MDH1: variants seen among roughly 807,000 people sequenced by gnomAD.
MDH1 encodes the protein malate dehydrogenase, cytoplasmic.
MDH1 carries 15 observed loss-of-function variants against 38.7 expected under a neutral mutation model. The ratio of observed to expected loss-of-function variants is 0.39; its 90% CI spans 0.26 to 0.60. The LOEUF (loss-of-function observed/expected upper bound fraction) is 0.60, where lower values mean the gene tolerates loss of function less well. MDH1 is among the 20% of genes least tolerant of loss of function. MDH1 has a pLI of 0.56. For synonymous variants in MDH1, 144 were observed against 143.6 expected (o/e 1.00, Z -0.02); for missense variants, 368 against 405.2 (o/e 0.91, Z 0.79).
At chr2:63,606,508 T>G (rs1156893247) in intron 8 of MDH1, among the ~76,000 whole-genome samples, 1 of 152,232 alleles carries the variant, frequency 6.6e-6, no homozygotes, top group Non-Finnish European at 1.5e-5. Flanking sequence ...GAAATTAATC[T>G]GGAAAGGAAG....
At chr2:63,594,751 T>C in intron 2 of MDH1, 165 bp downstream of exon 2, 1 of 564,324 alleles carries the variant, frequency 1.8e-6, no homozygotes, top group Non-Finnish European at 3.1e-6. Context: ...TATTTATATG[T>C]ACGCCTCCAG....
intron 5 of MDH1, chr2:63,599,503 C>A: frequency 2.7e-6 from 1 of 376,646 alleles, no homozygotes; most frequent in South Asian, 3.9e-5. Flanking sequence ...GGACTTCCTA[C>A]TTGATTTCGT....
intron 3 of MDH1, 118 bp from the exon 4 acceptor site, chr2:63,597,281 G>C (rs1355676060): frequency 8.0e-7 from 1 of 1,251,088 alleles, no homozygotes; most frequent in East Asian, 3.0e-5. Context: ...ATGTATATCA[G>C]TGTGATATGT....
intron 3 of MDH1, 68 bp downstream of exon 3, chr2:63,595,587 T>C (rs1709295406): frequency 2.1e-6 from 2 of 955,602 alleles, no homozygotes; most frequent in South Asian, 2.8e-5. Flanking sequence ...TTTTAGGTTT[T>C]TGTTAAAGGC....
rs779305894 is a variant in MDH1, at chr2:63,597,421, A to C, written c.222A>C (p.Glu74Asp). 24 of 1,445,886 alleles carry C rather than the reference A, an allele frequency of 1.7e-5. No homozygotes were observed. Among genetic ancestry groups the C allele is most frequent in the Non-Finnish European group, 2.1e-5 (23 of 1,088,490 alleles). The allele number at this position is 1,445,886 out of a possible 1,614,324, so 89.6% of individuals were successfully genotyped here. Reference protein sequence around the residue: ...LLKDVIATDKEDVAFKDLDVA... With the variant: ...LLKDVIATDKDDVAFKDLDVA... Reference sequence around the variant, plus strand: ...CAGATGTCATCGCAACAGATAAAGAAGACGTTGCCTTCAAAGACCTGGATG... The same window carrying C: ...CAGATGTCATCGCAACAGATAAAGACGACGTTGCCTTCAAAGACCTGGATG... The change falls in exon 4 of 9, where the codon GAA becomes GAC. Residue 74 changes from glutamate (E) to aspartate (D), a missense_variant. Glu to Asp is a conservative substitution (Grantham distance 45). Coordinates refer to ENST00000233114, the MANE Select transcript of MDH1 (RefSeq NM_005917.4).
Position 63,607,074 on chromosome 2 carries a change from C to G in MDH1, c.*87C>G. ...AGTACCAAATAATAATAATGCTATA[C>G]TTAAATTACTTGTGAAAAACAACAC... On this transcript the variant is annotated 3_prime_UTR_variant, in exon 9 of 9. Coordinates refer to ENST00000233114, the MANE Select transcript of MDH1 (RefSeq NM_005917.4). The G allele has an allele frequency of 7.8e-7, 1 of 1,282,412 alleles. No individual in the cohort carries two copies. The highest frequency in any genetic ancestry group is 1.6e-5 in the South Asian group (1 of 63,526). The allele number at this position is 1,282,412 out of a possible 1,614,324, so 79.4% of individuals were successfully genotyped here.
At chr2:63,596,819 G>C (rs536562973) in intron 3 of MDH1, among the ~76,000 whole-genome samples, 5 of 152,304 alleles carry the variant, frequency 3.3e-5, no homozygotes, top group African/African-American at 1.2e-4. Flanking sequence ...CATAGTGGTT[G>C]AACTCTGGAC....
intron 1 of MDH1, among the ~76,000 whole-genome samples, chr2:63,592,599 T>TC (rs1709221485): frequency 6.6e-6 from 1 of 151,990 alleles, no homozygotes; most frequent in Admixed American, 6.6e-5. Flanking sequence ...ACCCGCCTTG[T>TC]CCCCCCGCGC....
In MDH1 at chr2:63,604,260, A is replaced by G. The variant is rs566488911; in HGVS notation, c.499-436A>G. Among the ~76,000 whole-genome samples the G allele has an allele frequency of 9.2e-5, 14 of 152,362 alleles. No individual in the cohort carries two copies. In the East Asian group the frequency reaches 2.7e-3, roughly 29 times the overall value. On this transcript the variant is annotated intron_variant, in intron 5 of 8. Transcript: ENST00000233114. ...CTATATGGTATATAATAAAAATTTT[A>G]CCTAAATATAAAGTGCCTAAATACC...
chr2:63,604,326 A>T (rs1344671365), intron 5 of MDH1, among the ~76,000 whole-genome samples: 2 of 152,266 alleles, frequency 1.3e-5, no homozygotes, highest in Admixed American at 1.3e-4. Flanking sequence ...CCAAGTAAAC[A>T]TTAACAGTGA....
chr2:63,604,853 T>C lies in MDH1; in HGVS notation c.656T>C (p.Leu219Pro). The change falls in exon 6 of 9, where the codon CTC becomes CCC. Residue 219 changes from leucine (L) to proline (P), a missense_variant. Coordinates refer to ENST00000233114, the MANE Select transcript of MDH1 (RefSeq NM_005917.4). ...VYEALKDDSW[L>P]KGEFVTTVQQ... ...GAAGCTCTGAAAGATGACAGCTGGC[T>C]CAAGGGAGAATTTGTCACGGTAAGA... 4 of 1,614,136 alleles carry C rather than the reference T, an allele frequency of 2.5e-6. No homozygotes were observed. The highest frequency in any genetic ancestry group is 1.1e-5 in the South Asian group (1 of 91,082).
chr2:63,591,665 T>G (rs1709203833), intron 1 of MDH1, among the ~76,000 whole-genome samples: 1 of 152,186 alleles, frequency 6.6e-6, no homozygotes, highest in Admixed American at 6.5e-5. Context: ...ACCCTAACCT[T>G]CCTTCATTCA....
rs1398271840 is a variant in MDH1 at position 63,607,045 on chromosome 2, C to T, written c.*58C>T. On this transcript the variant is annotated 3_prime_UTR_variant, in exon 9 of 9. Coordinates refer to ENST00000233114, the MANE Select transcript of MDH1 (RefSeq NM_005917.4). ...TGAAGAATCTAAATGTCGTCTTTGACTCAAGTACCAAATAATAATAATGCT... is the reference window on the plus strand; with the variant it reads ...TGAAGAATCTAAATGTCGTCTTTGATTCAAGTACCAAATAATAATAATGCT... The T allele has an allele frequency of 2.7e-6, 4 of 1,494,374 alleles. No individual in the cohort carries two copies. The highest frequency in any genetic ancestry group is 4.6e-5 in the East Asian group (2 of 43,086). 92.6% of individuals were successfully genotyped at this position (1,494,374 alleles called of 1,614,324 possible). A position where few individuals can be genotyped will look rare whatever the true frequency, so the allele number is the denominator to read the frequency against.
chr2:63,607,019 C>T lies in MDH1; in HGVS notation c.*32C>T. 1.3e-6 allele frequency: 2 copies of T among 1,585,518 alleles called. No homozygotes were observed. The highest frequency in any genetic ancestry group is 1.7e-6 in the Non-Finnish European group (2 of 1,167,790). ...AATGATGTTACTAAATGCTTCAAAG[C>T]TGAAGAATCTAAATGTCGTCTTTGA... On this transcript the variant is annotated 3_prime_UTR_variant, in exon 9 of 9. Transcript: ENST00000233114.
intron 5 of MDH1, among the ~76,000 whole-genome samples, chr2:63,600,845 T>C (rs781318464): frequency 7.9e-5 from 12 of 152,196 alleles, no homozygotes; most frequent in Non-Finnish European, 1.8e-4. Flanking sequence ...AGAGATATTA[T>C]ACATGTTACA....
chr2:63,605,957 GGT>G lies in MDH1; in HGVS notation c.811_812del (p.Val271TyrfsTer3). 6.2e-7 allele frequency: 1 copy of G among 1,613,904 alleles called. No individual in the cohort carries two copies. Among genetic ancestry groups the G allele is most frequent in the Non-Finnish European group, 8.5e-7 (1 of 1,179,838 alleles). On this transcript the variant is annotated frameshift_variant, in exon 8 of 9. Coordinates refer to ENST00000233114, the MANE Select transcript of MDH1 (RefSeq NM_005917.4). LOFTEE classifies it high-confidence loss of function. ...TTTTCAGGGAGAGTTTGTGTCCATG[GGT>G]GTTATCTCTGATGGCAACTCCTATG... ...GTPEGEFVSMGVISDGNSYGV... is the reference protein window; with the variant it reads ...GTPEGEFVSMXVISDGNSYGV...
Position 63,599,407 on chromosome 2 carries a change from A to G in MDH1, c.498+115A>G, listed in dbSNP as rs527959761. The G allele has an allele frequency of 9.9e-5, 101 of 1,017,258 alleles. No individual in the cohort carries two copies. In the Admixed American group the frequency reaches 1.7e-3, roughly 17 times the overall value. 63.0% of individuals were successfully genotyped at this position (1,017,258 alleles called of 1,614,324 possible). On this transcript the variant is annotated intron_variant, in intron 5 of 8. Coordinates refer to ENST00000233114, the MANE Select transcript of MDH1 (RefSeq NM_005917.4). Reference sequence around the variant, plus strand: ...TTTTTCTTGTTTTTGTTTAGTAGGAACCTATTACTTTTATTAAATTAAAAG... The same window carrying G: ...TTTTTCTTGTTTTTGTTTAGTAGGAGCCTATTACTTTTATTAAATTAAAAG...
intron 1 of MDH1, chr2:63,593,673 C>T (rs1001009378): frequency 1.7e-5 from 8 of 471,354 alleles, no homozygotes; most frequent in Middle Eastern, 3.2e-4. Flanking sequence ...CCAGCATTAT[C>T]GGGGAAAGGA....
chr2:63,591,688 T>G (rs1468476446), intron 1 of MDH1, among the ~76,000 whole-genome samples: 34 of 152,226 alleles, frequency 2.2e-4, no homozygotes. Flanking sequence ...AAATACTTTT[T>G]GTGGAAATGC....
Sources: gnomAD v4.1 joint callset for allele counts (sites outside exome capture counted in the v4.1 genomes callset) on GRCh38, gnomAD v4.1.1 for gene constraint, MANE v1.5 for transcripts, NCBI Gene and HGNC (gene_info 2026-07-23, HGNC 2026-07-21) for gene names.